The following EPN3 variants were observed in gnomAD, a reference collection of about 807,000 sequenced individuals.
EPN3 encodes the protein epsin-3.
EPN3 carries 56 observed loss-of-function variants against 55.5 expected under a neutral mutation model. That is an observed-to-expected ratio of 1.01 (90% CI 0.81 to 1.26). The LOEUF is 1.26. Ranked by LOEUF, EPN3 falls within the 50% of genes most tolerant of loss-of-function variation. The pLI is 0.00. For missense variants in EPN3, 927 were observed against 853.4 expected, an observed-to-expected ratio of 1.09 and a Z score of -1.07; for synonymous variants, 449 against 375.2, an observed-to-expected ratio of 1.20 and a Z score of -2.27.
intron 4 of EPN3, 21 bp downstream of exon 4, chr17:50,538,985 G>A: frequency 1.3e-6 from 2 of 1,581,488 alleles, no homozygotes; most frequent in Non-Finnish European, 1.7e-6. Flanking sequence ...GAGCCCGCTG[G>A]GCTGCCGGTG....
At position 50,540,335 on chromosome 17, in the gene EPN3, G is replaced by C; in HGVS notation, c.979+1G>C. The C allele has an allele frequency of 6.2e-7, 1 of 1,609,558 alleles. No homozygotes were observed. The highest frequency in any genetic ancestry group is 8.5e-7 in the Non-Finnish European group (1 of 1,179,322). On this transcript the variant is annotated splice_donor_variant, in intron 6 of 9. Transcript: ENST00000268933. LOFTEE classifies it high-confidence loss of function. ...TCTGCTGACCCATGGGACATCCCAG[G>C]TGGGCATGCAGGGCTGCAAGAGACT...
At position 50,532,995 on chromosome 17, in the gene EPN3, C is replaced by T. The variant is rs1281695483; in HGVS notation, c.-137+10C>T. ...GGAGCCCGCACTGGAGGTAAGCTTC[C>T]TCCCTGGCCCCCTCCCTGGCAGTGG... is the stretch of plus-strand genomic sequence containing the variant. On this transcript the variant is annotated intron_variant, in intron 1 of 9. Transcript: ENST00000268933. The T allele has an allele frequency of 7.8e-7, 1 of 1,279,282 alleles. No homozygotes were observed. Among genetic ancestry groups the T allele is most frequent in the Non-Finnish European group, 1.0e-6 (1 of 982,602 alleles). 79.2% of individuals were successfully genotyped at this position (1,279,282 alleles called of 1,614,324 possible). A position where few individuals can be genotyped will look rare whatever the true frequency, so the allele number is the denominator to read the frequency against.
intron 2 of EPN3, 83 bp from the exon 3 acceptor site, chr17:50,537,996 T>G: frequency 8.5e-7 from 1 of 1,176,250 alleles, no homozygotes; most frequent in Non-Finnish European, 1.3e-6. Context: ...TCAGTTCTCT[T>G]GAGCCTCAGC....
Position 50,542,343 on chromosome 17 carries a change from A to G in EPN3, c.*186A>G, listed in dbSNP as rs1232287810. On this transcript the variant is annotated 3_prime_UTR_variant, in exon 10 of 10. Transcript: ENST00000268933. ...GGAGCTAGAAACTGAACGCCCGCAT[A>G]ATAAAGACTGGAACCCTCGTTCTCA... is the stretch of plus-strand genomic sequence containing the variant. 3.5e-6 allele frequency: 2 copies of G among 567,584 alleles called. No individual in the cohort carries two copies. The highest frequency in any genetic ancestry group is 4.0e-5 in the African/African-American group (2 of 49,872). 35.2% of individuals were successfully genotyped at this position (567,584 alleles called of 1,614,324 possible).
chr17:50,534,213 T>C (rs989865246), intron 1 of EPN3, among the ~76,000 whole-genome samples: 9 of 151,978 alleles, frequency 5.9e-5, no homozygotes, highest in Non-Finnish European at 1.0e-4. Flanking sequence ...AGAAGGAAAA[T>C]CAAGGTGCCT....
chr17:50,538,060 G>A lies in EPN3; in HGVS notation c.563-19G>A, dbSNP rs778330299. The A allele has an allele frequency of 3.8e-6, 6 of 1,596,408 alleles. No homozygotes were observed. Among genetic ancestry groups the A allele is most frequent in the East Asian group, 4.5e-5 (2 of 44,796 alleles). On this transcript the variant is annotated intron_variant, in intron 2 of 9. Transcript: ENST00000268933. ...CGATGGGTAATCGTGTGGTCACAGAGACATGATGGTCATTGCAGCCTCCTC... is the reference window on the plus strand; with the variant it reads ...CGATGGGTAATCGTGTGGTCACAGAAACATGATGGTCATTGCAGCCTCCTC...
At chr17:50,534,765 T>C (rs565782186) in intron 1 of EPN3, 121 of 603,100 alleles carry the variant, frequency 2.0e-4, no homozygotes, top group African/African-American at 1.0e-3. Flanking sequence ...TGGGGCTGCT[T>C]TGAACTGAGC....
rs763344117 is a variant in EPN3, at chr17:50,541,705, C to T, written c.1585+11C>T. On this transcript the variant is annotated intron_variant, in intron 9 of 9. Coordinates refer to ENST00000268933, the MANE Select transcript of EPN3 (RefSeq NM_017957.3). ...ACCCCTTCCTGACAGGTAAGATATG[C>T]CCTTGTCCCTCAACCCAGGGGCTCC... is the stretch of plus-strand genomic sequence containing the variant. 1.3e-5 allele frequency: 21 copies of T among 1,612,824 alleles called. No individual in the cohort carries two copies. Among genetic ancestry groups the T allele is most frequent in the Non-Finnish European group, 1.8e-5 (21 of 1,179,014 alleles).
At position 50,532,905 on chromosome 17, in the gene EPN3, C is replaced by A. The variant is rs1025275977; in HGVS notation, c.-217C>A. ...TCTGGAGACGCTCCCGAGGCTGTGCCGTCCCGCTGCTGCACAGGTCGGAGG... is the reference window on the plus strand; with the variant it reads ...TCTGGAGACGCTCCCGAGGCTGTGCAGTCCCGCTGCTGCACAGGTCGGAGG... On this transcript the variant is annotated 5_prime_UTR_variant, in exon 1 of 10. Transcript: ENST00000268933. 1.6e-6 allele frequency: 2 copies of A among 1,285,528 alleles called. No homozygotes were observed. The highest frequency in any genetic ancestry group is 4.7e-5 in the Admixed American group (2 of 42,980). 79.6% of individuals were successfully genotyped at this position (1,285,528 alleles called of 1,614,324 possible).
intron 1 of EPN3, among the ~76,000 whole-genome samples, chr17:50,533,605 C>T (rs902964736): frequency 1.3e-5 from 2 of 152,122 alleles, no homozygotes; most frequent in South Asian, 2.1e-4. Context: ...TGGGGATGAG[C>T]GATCTGCATT....
chr17:50,539,157 T>C (rs1238383323), intron 4 of EPN3, 30 bp from the exon 5 acceptor site: 1 of 1,612,634 alleles, frequency 6.2e-7, no homozygotes, highest in African/African-American at 1.3e-5. Context: ...GAGCTGCTCA[T>C]GCTCCTAACT....
intron 5 of EPN3, among the ~76,000 whole-genome samples, chr17:50,539,535 C>G (rs993676297): frequency 6.6e-6 from 1 of 152,138 alleles, no homozygotes; most frequent in Non-Finnish European, 1.5e-5. Context: ...TGGAGACCCC[C>G]GGATTCGGGT....
intron 5 of EPN3, 108 bp downstream of exon 5, chr17:50,539,423 T>C (rs2034814310): frequency 6.7e-7 from 1 of 1,493,090 alleles, no homozygotes; most frequent in Non-Finnish European, 9.1e-7. Context: ...CACTGATGTG[T>C]TTATTCGATG....
At chr17:50,538,529 C>A in intron 3 of EPN3, 2 of 431,196 alleles carry the variant, frequency 4.6e-6, no homozygotes, top group South Asian at 1.1e-4. Context: ...CCACCCCCGC[C>A]CACCAGCTAT....
In EPN3 at chr17:50,542,313, G is replaced by GCC. The variant is rs1197174082; in HGVS notation, c.*158_*159dup. The GCC allele has an allele frequency of 1.4e-6, 1 of 728,444 alleles. No individual in the cohort carries two copies. The highest frequency in any genetic ancestry group is 2.0e-6 in the Non-Finnish European group (1 of 501,184). 45.1% of individuals were successfully genotyped at this position (728,444 alleles called of 1,614,324 possible). A position where few individuals can be genotyped will look rare whatever the true frequency, so the allele number is the denominator to read the frequency against. On this transcript the variant is annotated 3_prime_UTR_variant, in exon 10 of 10. Coordinates refer to ENST00000268933, the MANE Select transcript of EPN3 (RefSeq NM_017957.3). The stretch of plus-strand genomic sequence containing the variant: ...CTCTGGAAGCTGGACGCGGACCACG[G>GCC]CCCGGGAGCTAGAAACTGAACGCCC...
chr17:50,540,744 G>C, intron 6 of EPN3, 49 bp from the exon 7 acceptor site: 1 of 1,532,238 alleles, frequency 6.5e-7, no homozygotes. Flanking sequence ...GGCCCTGGGC[G>C]AGGGATAAGG....
rs1235123844 is a variant in EPN3 at position 50,532,880 on chromosome 17, T to C, written c.-242T>C. ...GGGACGAGGGTCCATGGTGGATGGC[T>C]CTGGAGACGCTCCCGAGGCTGTGCC... On this transcript the variant is annotated 5_prime_UTR_variant, in exon 1 of 10. Transcript: ENST00000268933. 8 of 1,286,378 alleles carry C rather than the reference T, an allele frequency of 6.2e-6. No individual in the cohort carries two copies. In the South Asian group the frequency reaches 8.7e-5, roughly 14 times the overall value. 79.7% of individuals were successfully genotyped at this position (1,286,378 alleles called of 1,614,324 possible). A position where few individuals can be genotyped will look rare whatever the true frequency, so the allele number is the denominator to read the frequency against.
At chr17:50,540,418 T>A in intron 6 of EPN3, 84 bp downstream of exon 6, 1 of 1,296,370 alleles carries the variant, frequency 7.7e-7, no homozygotes, top group Non-Finnish European at 1.1e-6. Flanking sequence ...AAGCACCTCC[T>A]CCCAAAATCT....
chr17:50,532,973 G>A lies in EPN3; in HGVS notation c.-149G>A, dbSNP rs1310805992. The A allele has an allele frequency of 7.8e-7, 1 of 1,285,266 alleles. No homozygotes were observed. The highest frequency in any genetic ancestry group is 1.0e-6 in the Non-Finnish European group (1 of 987,056). The allele number at this position is 1,285,266 out of a possible 1,614,324, so 79.6% of individuals were successfully genotyped here. On this transcript the variant is annotated 5_prime_UTR_variant, in exon 1 of 10. Coordinates refer to ENST00000268933, the MANE Select transcript of EPN3 (RefSeq NM_017957.3). ...TCGGGCTGGGGCTGGGGCCGAGGGA[G>A]CCCGCACTGGAGGTAAGCTTCCTCC...
Sources: allele counts gnomAD v4.1 joint callset (sites outside exome capture counted in the v4.1 genomes callset), GRCh38; gene constraint gnomAD v4.1.1; transcripts MANE v1.5; gene names NCBI Gene and HGNC (gene_info 2026-07-23, HGNC 2026-07-21).